The following BICRAL variants were observed in gnomAD, a reference collection of about 807,000 sequenced individuals.
BICRAL encodes the protein BICRA like chromatin remodeling complex associated protein, also known as BRD4-interacting chromatin-remodeling complex-associated protein-like.
BICRAL carries 8 observed loss-of-function variants against 91.8 expected under a neutral mutation model. The observed-to-expected ratio is 0.09, with a 90% CI of 0.05 to 0.16. The LOEUF (loss-of-function observed/expected upper bound fraction) is 0.16, where lower values mean the gene tolerates loss of function less well. Among genes scored for constraint, BICRAL ranks in the 10% least tolerant of loss-of-function variants. BICRAL has a pLI of 1.00. For missense variants in BICRAL, 1,038 were observed against 1,310.9 expected (o/e 0.79, Z 3.21); for synonymous variants, 445 against 491.1 (o/e 0.91, Z 1.24).
chr6:42,754,277 T>G (rs1485665380), intron 1 of BICRAL, among the ~76,000 whole-genome samples: 4 of 151,912 alleles, frequency 2.6e-5, no homozygotes. Context: ...GTTCATGCCA[T>G]TCTCCTGTCT....
Position 42,828,530 on chromosome 6 carries a change from AC to A in BICRAL, c.199del (p.Gln67SerfsTer64). On this transcript the variant is annotated frameshift_variant, in exon 6 of 13. Transcript: ENST00000314073. LOFTEE classifies it high-confidence loss of function. The stretch of plus-strand genomic sequence containing the variant: ...AAGTCATCCCTCAAAGGTGTAAGCA[AC>A]CAGCTTGGAGAAGGGCCCAGTGATG... ...DPKSSLKGVS[N>X]QLGEGPSDGL... 6.2e-7 allele frequency: 1 copy of A among 1,613,782 alleles called. No homozygotes were observed. The highest frequency in any genetic ancestry group is 8.5e-7 in the Non-Finnish European group (1 of 1,179,708).
At chr6:42,850,384 G>A (rs780303357) in intron 6 of BICRAL, among the ~76,000 whole-genome samples, 1 of 151,960 alleles carries the variant, frequency 6.6e-6, no homozygotes, top group Non-Finnish European at 1.5e-5. Context: ...GCCAGGTGTG[G>A]TGGTGGGCGC....
intron 7 of BICRAL, among the ~76,000 whole-genome samples, chr6:42,852,767 C>T (rs1375142377): frequency 6.7e-6 from 1 of 150,362 alleles, no homozygotes; most frequent in Non-Finnish European, 1.5e-5. Context: ...TAAATTATGA[C>T]ACATTAAATT....
chr6:42,817,241 C>G (rs184681312), intron 2 of BICRAL, among the ~76,000 whole-genome samples: 1 of 151,320 alleles, frequency 6.6e-6, no homozygotes, highest in African/African-American at 2.4e-5. Flanking sequence ...ATATTCTGCA[C>G]CTTTCTTTTT....
rs1304315310 is a variant in BICRAL, at chr6:42,828,731, G to A, written c.398G>A (p.Ser133Asn). The change falls in exon 6 of 13, where the codon AGC becomes AAC. Residue 133 changes from serine (S) to asparagine (N), a missense_variant. By Grantham distance (46) the Ser-to-Asn change is conservative. This residue lies in a region of BICRAL where 532 missense variants were observed against 724.9 expected (regional missense o/e 0.73). Transcript: ENST00000314073. The stretch of plus-strand genomic sequence containing the variant: ...TATTTGGATGCCAGTATAGGTTCAA[G>A]CCAACAGTTTGCACAAGCTCAGCTT... ...EAYLDASIGS[S>N]QQFAQAQLHP... 7 of 1,614,194 alleles carry A rather than the reference G, an allele frequency of 4.3e-6. No individual in the cohort carries two copies. The highest frequency in any genetic ancestry group is 5.1e-6 in the Non-Finnish European group (6 of 1,180,030).
chr6:42,861,019 G>A (rs747188888), intron 11 of BICRAL, among the ~76,000 whole-genome samples: 5 of 152,078 alleles, frequency 3.3e-5, no homozygotes, highest in East Asian at 1.9e-4. Flanking sequence ...CCAGCTACTC[G>A]GGAGGCTGAG....
chr6:42,828,459 C>CATATG, intron 5 of BICRAL, 34 bp from the exon 6 acceptor site: 1 of 1,528,274 alleles, frequency 6.5e-7, no homozygotes, highest in Non-Finnish European at 8.9e-7. Context: ...TCAAAGGTTA[C>CATATG]ATATGCCATG....
At chr6:42,858,952 C>G (rs1765470944) in intron 10 of BICRAL, among the ~76,000 whole-genome samples, 1 of 152,136 alleles carries the variant, frequency 6.6e-6, no homozygotes, top group South Asian at 2.1e-4. Context: ...CAGTGCCCTC[C>G]TCTTTTCTAA....
chr6:42,823,641 A>T (rs186109875), intron 5 of BICRAL, among the ~76,000 whole-genome samples: 10 of 152,250 alleles, frequency 6.6e-5, no homozygotes, highest in Admixed American at 4.6e-4. Context: ...AAAATAAAAT[A>T]GACCAGATGT....
rs1204163887 is a variant in BICRAL at position 42,829,334 on chromosome 6, A to G, written c.1001A>G (p.Gln334Arg). Residue 334 changes from glutamine (Q) to arginine (R), a missense_variant, in exon 6 of 13, where the codon CAG becomes CGG. Transcript: ENST00000314073. ...TACAATGTGAACAATTTGGGAATTC[A>G]GCAGCACCACGTACAACAAGGGATC... The part of the protein sequence containing the change: ...NTYNVNNLGI[Q>R]QHHVQQGISF... 3 of 1,614,132 alleles carry G rather than the reference A, an allele frequency of 1.9e-6. No homozygotes were observed. The highest frequency in any genetic ancestry group is 1.3e-5 in the African/African-American group (1 of 74,944).
intron 1 of BICRAL, among the ~76,000 whole-genome samples, chr6:42,770,849 C>T (rs1001451245): frequency 2.0e-5 from 3 of 151,842 alleles, no homozygotes; most frequent in Non-Finnish European, 4.4e-5. Flanking sequence ...CGCCACCACG[C>T]CCCGCTAATT....
chr6:42,865,632 T>TATATATATA lies in BICRAL; in HGVS notation c.*186_*187insATATATATA. On this transcript the variant is annotated 3_prime_UTR_variant, in exon 13 of 13. Coordinates refer to ENST00000314073, the MANE Select transcript of BICRAL (RefSeq NM_001393499.1). ...CTTTGTTTAAGAGCAATACTTGTCG[T>TATATATATA]GATTACAGGGAGATCCTTTAGTAAA... The TATATATATA allele has an allele frequency of 1.7e-6, 1 of 572,516 alleles. No individual in the cohort carries two copies. Among genetic ancestry groups the TATATATATA allele is most frequent in the Non-Finnish European group, 3.1e-6 (1 of 322,832 alleles). The allele number at this position is 572,516 out of a possible 1,614,324, so 35.5% of individuals were successfully genotyped here.
At chr6:42,773,454 G>A (rs1245126172) in intron 1 of BICRAL, among the ~76,000 whole-genome samples, 1 of 152,162 alleles carries the variant, frequency 6.6e-6, no homozygotes, top group Non-Finnish European at 1.5e-5. Context: ...CTGGGCTCAA[G>A]CAGTTCTCTA....
In BICRAL at chr6:42,862,498, T is replaced by G; in HGVS notation, c.2350-12T>G. 1 of 1,548,160 alleles carries G rather than the reference T, an allele frequency of 6.5e-7. No homozygotes were observed. The highest frequency in any genetic ancestry group is 1.4e-5 in the African/African-American group (1 of 73,624). On this transcript the variant is annotated splice_polypyrimidine_tract_variant and intron_variant, in intron 11 of 12. Coordinates refer to ENST00000314073, the MANE Select transcript of BICRAL (RefSeq NM_001393499.1). Reference sequence around the variant, plus strand: ...AATTGTCTATGAAATGACTGGCCTCTCTCTTTTTCAGCGAATCAATCCCTC... The same window carrying G: ...AATTGTCTATGAAATGACTGGCCTCGCTCTTTTTCAGCGAATCAATCCCTC...
At chr6:42,813,728 G>T (rs933848016) in intron 2 of BICRAL, among the ~76,000 whole-genome samples, 3 of 151,908 alleles carry the variant, frequency 2.0e-5, no homozygotes, top group African/African-American at 7.3e-5. Flanking sequence ...TCCATGTTGC[G>T]CAGGAGGGTC....
chr6:42,847,878 C>G (rs1490056360), intron 6 of BICRAL, among the ~76,000 whole-genome samples: 3 of 152,046 alleles, frequency 2.0e-5, no homozygotes, highest in Middle Eastern at 3.2e-3. Flanking sequence ...GCCTGTAATC[C>G]CAGCACTTTG....
intron 1 of BICRAL, among the ~76,000 whole-genome samples, chr6:42,766,795 C>T (rs1357783219): frequency 6.6e-6 from 1 of 152,150 alleles, no homozygotes; most frequent in African/African-American, 2.4e-5. Context: ...AATCCCAGCA[C>T]TTTGGGAGGC....
chr6:42,766,339 C>T (rs1762632522), intron 1 of BICRAL, among the ~76,000 whole-genome samples: 1 of 152,168 alleles, frequency 6.6e-6, no homozygotes, highest in South Asian at 2.1e-4. Flanking sequence ...GTGGGAAAAT[C>T]AGGACCAGAT....
intron 1 of BICRAL, among the ~76,000 whole-genome samples, chr6:42,762,264 C>T (rs1268700659): frequency 6.6e-6 from 1 of 151,952 alleles, no homozygotes; most frequent in East Asian, 1.9e-4. Context: ...CAAAAAGGCC[C>T]CAAAGAATCC....
Sources: allele counts gnomAD v4.1 joint callset (sites outside exome capture counted in the v4.1 genomes callset), GRCh38; gene constraint gnomAD v4.1.1; regional missense constraint gnomAD v4.1.1; transcripts MANE v1.5; gene names NCBI Gene and HGNC (gene_info 2026-07-23, HGNC 2026-07-21).